Variants in UHRF2 observed in about 807,000 individuals in gnomAD.
UHRF2 encodes E3 ubiquitin-protein ligase UHRF2.
In UHRF2, 23 loss-of-function variants were observed where a neutral mutation model predicts 96.8. The ratio of observed to expected loss-of-function variants is 0.24; its 90% CI spans 0.17 to 0.34. The LOEUF (loss-of-function observed/expected upper bound fraction) is 0.34. Ranked by LOEUF, UHRF2 falls within the 10% of genes least tolerant of loss-of-function variation. UHRF2 has a pLI of 1.00. For missense variants in UHRF2, 685 were observed against 981.5 expected, an observed-to-expected ratio of 0.70 and a Z score of 4.04; for synonymous variants, 385 against 332.6, an observed-to-expected ratio of 1.16 and a Z score of -1.72.
chr9:6,430,604 C>G (rs1208965388), intron 2 of UHRF2, among the ~76,000 whole-genome samples: 1 of 151,994 alleles, frequency 6.6e-6, no homozygotes, highest in Non-Finnish European at 1.5e-5. Flanking sequence ...ACTTAACTAC[C>G]TCCCTTATCT....
In UHRF2 at chr9:6,475,105, A is replaced by T. The variant is rs551552767; in HGVS notation, c.864-286A>T. On this transcript the variant is annotated intron_variant, in intron 4 of 15. Coordinates refer to ENST00000276893, the MANE Select transcript of UHRF2 (RefSeq NM_152896.3). The stretch of plus-strand genomic sequence containing the variant: ...TTATTTAAATCTTTCATTTTAATTG[A>T]CAGAGTGCCATTTTATCTAGTCTTT... Among the ~76,000 whole-genome samples, 28 of 152,286 alleles carry T rather than the reference A, an allele frequency of 1.8e-4. No individual in the cohort carries two copies. In the South Asian group the frequency reaches 5.6e-3, roughly 30 times the overall value.
intron 9 of UHRF2, among the ~76,000 whole-genome samples, chr9:6,493,079 C>T (rs560577276): frequency 6.6e-6 from 1 of 152,180 alleles, no homozygotes; most frequent in East Asian, 1.9e-4. Flanking sequence ...GGGTGGATCA[C>T]TTGAGACCGG....
At chr9:6,452,752 G>A (rs555190519) in intron 3 of UHRF2, among the ~76,000 whole-genome samples, 2 of 152,314 alleles carry the variant, frequency 1.3e-5, no homozygotes, top group South Asian at 2.1e-4. Context: ...AGATTATGGG[G>A]TAGGGGGATT....
intron 9 of UHRF2, among the ~76,000 whole-genome samples, chr9:6,487,462 A>G (rs34529113): frequency 0.055 from 8,334 of 152,072 alleles, 352 homozygotes; most frequent in African/African-American, 0.12. Context: ...CTCCTCCCAG[A>G]TTCAAGCGAT....
At chr9:6,463,228 C>G (rs576140800) in intron 4 of UHRF2, among the ~76,000 whole-genome samples, 2 of 152,026 alleles carry the variant, frequency 1.3e-5, no homozygotes, top group African/African-American at 4.8e-5. Flanking sequence ...TTGCCGTGAG[C>G]TGAGGTCATG....
chr9:6,452,608 C>T (rs1563767856), intron 3 of UHRF2, among the ~76,000 whole-genome samples: 1 of 152,134 alleles, frequency 6.6e-6, no homozygotes, highest in Non-Finnish European at 1.5e-5. Flanking sequence ...TATAGAGTTA[C>T]ATTAAACAGT....
At chr9:6,483,282 G>A (rs2130914846) in intron 8 of UHRF2, among the ~76,000 whole-genome samples, 2 of 140,514 alleles carry the variant, frequency 1.4e-5, no homozygotes, top group Non-Finnish European at 1.5e-5. Flanking sequence ...CCGAGATTGT[G>A]CCACTGCACT....
At chr9:6,479,061 C>G (rs1229655413) in intron 6 of UHRF2, among the ~76,000 whole-genome samples, 1 of 152,168 alleles carries the variant, frequency 6.6e-6, no homozygotes, top group Non-Finnish European at 1.5e-5. Flanking sequence ...ATTACTAGAT[C>G]ATTCTCATTA....
At chr9:6,503,919 T>G (rs780499457) in intron 14 of UHRF2, among the ~76,000 whole-genome samples, 6 of 151,956 alleles carry the variant, frequency 3.9e-5, no homozygotes, top group Non-Finnish European at 7.4e-5. Flanking sequence ...ATACTCTGAT[T>G]TAAAACTAAT....
intron 2 of UHRF2, among the ~76,000 whole-genome samples, chr9:6,424,344 T>C (rs904291913): frequency 1.1e-4 from 16 of 149,848 alleles, no homozygotes; most frequent in African/African-American, 3.4e-4. Context: ...TTAAGACTTA[T>C]GTAAATTAAA....
chr9:6,439,244 G>A (rs1186117356), intron 3 of UHRF2, among the ~76,000 whole-genome samples: 2 of 152,178 alleles, frequency 1.3e-5, no homozygotes, highest in African/African-American at 4.8e-5. Flanking sequence ...GAGTGCCGTG[G>A]TGTGATCTTG....
chr9:6,420,533 T>C (rs1819869258), intron 1 of UHRF2, among the ~76,000 whole-genome samples: 1 of 151,346 alleles, frequency 6.6e-6, no homozygotes, highest in Non-Finnish European at 1.5e-5. Flanking sequence ...AAACCCCGTC[T>C]CTACTAAAAA....
chr9:6,446,172 T>TA (rs571870638), intron 3 of UHRF2, among the ~76,000 whole-genome samples: 1 of 142,984 alleles, frequency 7.0e-6, no homozygotes, highest in Non-Finnish European at 1.6e-5. Context: ...TTTTTTTTTT[T>TA]ATACAGTCTT....
chr9:6,438,817 G>A (rs890580539), intron 3 of UHRF2, among the ~76,000 whole-genome samples: 4 of 152,058 alleles, frequency 2.6e-5, no homozygotes, highest in African/African-American at 9.7e-5. Flanking sequence ...GCTGAATTAG[G>A]CCAAGATAAA....
chr9:6,448,453 G>C (rs1821652627), intron 3 of UHRF2, among the ~76,000 whole-genome samples: 1 of 152,190 alleles, frequency 6.6e-6, no homozygotes, highest in Non-Finnish European at 1.5e-5. Flanking sequence ...ATGGATTCTA[G>C]AGCCAGGTGA....
intron 4 of UHRF2, among the ~76,000 whole-genome samples, chr9:6,470,603 A>T (rs957884583): frequency 2.6e-5 from 4 of 152,028 alleles, no homozygotes; most frequent in South Asian, 2.1e-4. Flanking sequence ...AGTATAAATA[A>T]TTTTTTTTAA....
At chr9:6,426,454 C>A (rs1820266206) in intron 2 of UHRF2, among the ~76,000 whole-genome samples, 1 of 152,134 alleles carries the variant, frequency 6.6e-6, no homozygotes, top group Non-Finnish European at 1.5e-5. Context: ...GGTTGCTGTT[C>A]ATACAATAAT....
chr9:6,486,527 A>G (rs1276523536), intron 8 of UHRF2, among the ~76,000 whole-genome samples: 1 of 152,236 alleles, frequency 6.6e-6, no homozygotes, highest in Non-Finnish European at 1.5e-5. Flanking sequence ...ACATAAGATG[A>G]TTATTTACTA....
chr9:6,482,355 G>C (rs1823976814), intron 8 of UHRF2, among the ~76,000 whole-genome samples: 1 of 152,066 alleles, frequency 6.6e-6, no homozygotes, highest in Non-Finnish European at 1.5e-5. Flanking sequence ...TTATTGTTAA[G>C]CTTTCTAAAC....
Sources: gnomAD v4.1 joint callset for allele counts (sites outside exome capture counted in the v4.1 genomes callset) on GRCh38, gnomAD v4.1.1 for gene constraint, MANE v1.5 for transcripts, NCBI Gene and HGNC (gene_info 2026-07-23, HGNC 2026-07-21) for gene names.